The following BPNT1 variants were observed in gnomAD, a reference collection of about 807,000 sequenced individuals.
BPNT1 encodes 3'(2'),5'-bisphosphate nucleotidase 1.
BPNT1 carries 28 observed loss-of-function variants against 36.9 expected under a neutral mutation model. The ratio of observed to expected loss-of-function variants is 0.76; its 90% CI spans 0.56 to 1.04. The LOEUF (loss-of-function observed/expected upper bound fraction) is 1.04, where lower values mean the gene tolerates loss of function less well. Ranked by LOEUF, BPNT1 falls within the 50% of genes least tolerant of loss-of-function variation. The probability of loss-of-function intolerance (pLI) is 0.00; values close to 1 mark genes in which losing one functional copy is unlikely to be tolerated. For missense variants in BPNT1, 313 were observed against 372.9 expected (o/e 0.84, Z 1.32); for synonymous variants, 119 against 130.9 (o/e 0.91, Z 0.62).
chr1:220,073,598 C>G (rs1174732068), intron 3 of BPNT1, among the ~76,000 whole-genome samples: 1 of 152,080 alleles, frequency 6.6e-6, no homozygotes, highest in Non-Finnish European at 1.5e-5. Context: ...GGCCTAATTC[C>G]CTCATTTTCA....
intron 6 of BPNT1, among the ~76,000 whole-genome samples, chr1:220,063,897 T>G (rs1663286940): frequency 1.3e-5 from 2 of 152,084 alleles, no homozygotes; most frequent in Admixed American, 1.3e-4. Flanking sequence ...ACACTTGATA[T>G]AGAAAAAAAA....
In BPNT1 at chr1:220,069,347, C is replaced by A. The variant is rs781143113; in HGVS notation, c.382+37G>T. On this transcript the variant is annotated intron_variant, in intron 5 of 8. Transcript: ENST00000322067. ...TACAACTAACATCATATCCTTGTCC[C>A]ACTACTGTCAAATATGAATACAAAA... 3 of 1,469,496 alleles carry A rather than the reference C, an allele frequency of 2.0e-6. No homozygotes were observed. The African/African-American group carries it at 4.3e-5, about 21-fold the overall frequency. The allele number at this position is 1,469,496 out of a possible 1,614,324, so 91.0% of individuals were successfully genotyped here.
At chr1:220,089,154 A>C (rs1481055441) in intron 1 of BPNT1, among the ~76,000 whole-genome samples, 1 of 151,666 alleles carries the variant, frequency 6.6e-6, no homozygotes, top group Non-Finnish European at 1.5e-5. Context: ...AGGAAGAAGA[A>C]GAAGAAAAAA....
chr1:220,086,764 T>C (rs906706054), intron 1 of BPNT1, among the ~76,000 whole-genome samples: 2 of 151,686 alleles, frequency 1.3e-5, no homozygotes, highest in South Asian at 4.2e-4. Context: ...TTAATAGAGA[T>C]GGGGTTTCAC....
At chr1:220,061,550 CA>C (rs1314756762) in intron 7 of BPNT1, among the ~76,000 whole-genome samples, 1 of 136,124 alleles carries the variant, frequency 7.3e-6, no homozygotes, top group Non-Finnish European at 1.6e-5. Flanking sequence ...AAAAAAAAAA[CA>C]AAAAACTATT....
chr1:220,060,278 C>A (rs1662901759), intron 7 of BPNT1, among the ~76,000 whole-genome samples: 7 of 152,038 alleles, frequency 4.6e-5, no homozygotes, highest in Admixed American at 4.6e-4. Context: ...GAGTTTGAGA[C>A]CAGCGTGGCC....
intron 6 of BPNT1, among the ~76,000 whole-genome samples, chr1:220,063,907 A>C (rs1284459521): frequency 6.6e-6 from 1 of 152,190 alleles, no homozygotes; most frequent in Admixed American, 6.5e-5. Context: ...TAGAAAAAAA[A>C]TCTGTATTTC....
chr1:220,087,046 CAA>C (rs1195166426), intron 1 of BPNT1, among the ~76,000 whole-genome samples: 7 of 51,264 alleles, frequency 1.4e-4, no homozygotes, highest in African/African-American at 2.9e-4. Flanking sequence ...GACTCCGTCT[CAA>C]AAAAAAAAAA....
chr1:220,088,801 A>AAG (rs1558110219), intron 1 of BPNT1, among the ~76,000 whole-genome samples: 5 of 148,210 alleles, frequency 3.4e-5, no homozygotes, highest in South Asian at 2.3e-4. Context: ...AAAAAAAAAA[A>AAG]AAAAGAAAGA....
intron 6 of BPNT1, among the ~76,000 whole-genome samples, chr1:220,063,836 A>C (rs938483602): frequency 6.6e-6 from 1 of 152,196 alleles, no homozygotes; most frequent in African/African-American, 2.4e-5. Context: ...CAATCTTAGA[A>C]TCTATATTTT....
intron 2 of BPNT1, among the ~76,000 whole-genome samples, chr1:220,074,997 C>T (rs1664411793): frequency 6.6e-6 from 1 of 152,112 alleles, no homozygotes; most frequent in Non-Finnish European, 1.5e-5. Flanking sequence ...TTTATATATG[C>T]CTGGTTAAGT....
intron 1 of BPNT1, among the ~76,000 whole-genome samples, chr1:220,087,315 G>A (rs1480030046): frequency 6.6e-6 from 1 of 152,018 alleles, no homozygotes; most frequent in Non-Finnish European, 1.5e-5. Flanking sequence ...CCAGCACTTC[G>A]GGAGGCCAAG....
Position 220,073,972 on chromosome 1 carries a change from C to T in BPNT1, c.220G>A (p.Glu74Lys). ...ATGTCTCTGATGACGCTTACCTCTT[C>T]CCCTATAATTGTGAGTTTGGGGAAT... Reference protein sequence around the residue: ...RKFPKLTIIGEEDLPSEEVDQ... With the variant: ...RKFPKLTIIGKEDLPSEEVDQ... Residue 74 changes from glutamate (E) to lysine (K), a missense_variant, in exon 3 of 9, where the codon GAA becomes AAA. Coordinates refer to ENST00000322067, the MANE Select transcript of BPNT1 (RefSeq NM_006085.6). The T allele has an allele frequency of 6.2e-7, 1 of 1,613,522 alleles. No homozygotes were observed. Among genetic ancestry groups the T allele is most frequent in the Non-Finnish European group, 8.5e-7 (1 of 1,179,734 alleles).
Position 220,058,192 on chromosome 1 carries a change from A to G in BPNT1, c.*652T>C. The G allele has an allele frequency of 1.0e-6, 1 of 998,892 alleles. No individual in the cohort carries two copies. The highest frequency in any genetic ancestry group is 4.3e-5 in the South Asian group (1 of 23,010). The allele number at this position is 998,892 out of a possible 1,614,324, so 61.9% of individuals were successfully genotyped here. A position where few individuals can be genotyped will look rare whatever the true frequency, so the allele number is the denominator to read the frequency against. ...CTCCGTCTCAGGAAAAAAAAAGAGA[A>G]ATCTGGTTTAGAAGATAGGAATGTT... is the stretch of plus-strand genomic sequence containing the variant. On this transcript the variant is annotated 3_prime_UTR_variant, in exon 9 of 9. Transcript: ENST00000322067.
rs542411818 is a variant in BPNT1 at position 220,069,228 on chromosome 1, C to T, written c.382+156G>A. ...TTTATTCTCCTGTCTTAACAATCAA[C>T]GATGTATGATAACCATGAGCACAAA... On this transcript the variant is annotated intron_variant, in intron 5 of 8. Transcript: ENST00000322067. Among the ~76,000 whole-genome samples, 268 of 152,222 alleles carry T rather than the reference C, an allele frequency of 1.8e-3. 2 individuals carry two copies. The highest frequency in any genetic ancestry group is 3.4e-3 in the Middle Eastern group (1 of 294).
chr1:220,076,836 T>C (rs960339887), intron 2 of BPNT1, among the ~76,000 whole-genome samples: 4 of 152,118 alleles, frequency 2.6e-5, no homozygotes, highest in Non-Finnish European at 5.9e-5. Context: ...ATCAGATTTA[T>C]CTTACATAAC....
At chr1:220,062,605 C>T (rs1467015399) in intron 7 of BPNT1, 152 bp downstream of exon 7, 9 of 754,728 alleles carry the variant, frequency 1.2e-5, no homozygotes, top group Admixed American at 2.7e-5. Flanking sequence ...AATAAACATA[C>T]GTGTGCATGT....
rs1043102109 is a variant in BPNT1 at position 220,071,551 on chromosome 1, A to G, written c.333+1299T>C. Among the ~76,000 whole-genome samples the G allele has an allele frequency of 9.9e-5, 15 of 152,224 alleles. 1 individual carries two copies. Among genetic ancestry groups the G allele is most frequent in the Admixed American group, 9.2e-4 (14 of 15,284 alleles). ...ATGTAAAACTGCACAAGGTAGGAACAAAGTAGGACAACTTACACTTCCCAA... is the reference window on the plus strand; with the variant it reads ...ATGTAAAACTGCACAAGGTAGGAACGAAGTAGGACAACTTACACTTCCCAA... On this transcript the variant is annotated intron_variant, in intron 4 of 8. Transcript: ENST00000322067.
chr1:220,087,887 AT>A, intron 1 of BPNT1, among the ~76,000 whole-genome samples: 2 of 152,048 alleles, frequency 1.3e-5, no homozygotes, highest in South Asian at 4.2e-4. Context: ...TAATTTATTT[AT>A]TTTTTGAGAC....
Sources: allele counts gnomAD v4.1 joint callset (sites outside exome capture counted in the v4.1 genomes callset), GRCh38; gene constraint gnomAD v4.1.1; transcripts MANE v1.5; gene names NCBI Gene and HGNC (gene_info 2026-07-23, HGNC 2026-07-21).